The following GPC5 variants were observed in gnomAD, a reference collection of about 807,000 sequenced individuals.
The protein encoded by GPC5 is glypican-5.
A neutral mutation model predicts 53.9 loss-of-function variants in GPC5; 47 were observed. That is an observed-to-expected ratio of 0.87 (90% CI 0.69 to 1.11). GPC5 has a LOEUF of 1.11. GPC5 is among the 50% of genes most tolerant of loss of function. GPC5 has a pLI of 0.00. For missense variants in GPC5, 748 were observed against 713.1 expected (o/e 1.05, Z -0.56); for synonymous variants, 286 against 263.3 (o/e 1.09, Z -0.84).
intron 2 of GPC5, among the ~76,000 whole-genome samples, chr13:91,684,875 T>C (rs537802776): frequency 2.0e-5 from 3 of 152,338 alleles, no homozygotes; most frequent in African/African-American, 7.2e-5. Flanking sequence ...GACCTTTCTC[T>C]ATTCTCACTC....
intron 7 of GPC5, among the ~76,000 whole-genome samples, chr13:92,278,664 AC>A (rs2042892627): frequency 6.6e-6 from 1 of 151,940 alleles, no homozygotes; most frequent in Non-Finnish European, 1.5e-5. Context: ...ATACTTTTAG[AC>A]CTTCATTTAG....
chr13:92,834,740 A>G (rs145729645), intron 7 of GPC5, among the ~76,000 whole-genome samples: 1 of 152,274 alleles, frequency 6.6e-6, no homozygotes, highest in East Asian at 1.9e-4. Flanking sequence ...GAAAATGTAT[A>G]AAGAGATAAT....
chr13:92,169,683 T>C (rs2042055732), intron 7 of GPC5, among the ~76,000 whole-genome samples: 1 of 152,172 alleles, frequency 6.6e-6, no homozygotes. Context: ...CCAGTGTCTA[T>C]GGGTATTTTT....
At chr13:92,742,758 A>G (rs550160167) in intron 7 of GPC5, among the ~76,000 whole-genome samples, 16 of 152,220 alleles carry the variant, frequency 1.1e-4, no homozygotes, top group East Asian at 7.8e-4. Flanking sequence ...TAATTTTTGT[A>G]TAAGGTGTAA....
At chr13:91,527,795 A>G (rs988268415) in intron 2 of GPC5, among the ~76,000 whole-genome samples, 1 of 152,216 alleles carries the variant, frequency 6.6e-6, no homozygotes, top group African/African-American at 2.4e-5. Context: ...TATCTTCTGC[A>G]CACCCACTGG....
At chr13:92,184,095 G>C (rs2042166184) in intron 7 of GPC5, among the ~76,000 whole-genome samples, 1 of 151,678 alleles carries the variant, frequency 6.6e-6, no homozygotes, top group East Asian at 1.9e-4. Context: ...TTTATGTGCT[G>C]TCTTTTGCTT....
chr13:92,274,631 C>G (rs4332633), intron 7 of GPC5, among the ~76,000 whole-genome samples: 13,009 of 152,134 alleles, frequency 0.086, 617 homozygotes, highest in Middle Eastern at 0.12. Context: ...GTGTCAGTAA[C>G]AGCTGGGATT....
At chr13:92,427,033 T>C (rs1180403201) in intron 7 of GPC5, among the ~76,000 whole-genome samples, 1 of 152,022 alleles carries the variant, frequency 6.6e-6, no homozygotes, top group Non-Finnish European at 1.5e-5. Context: ...CTGCCTATTT[T>C]AGTTAAGAAC....
At chr13:91,823,341 G>A (rs1427629197) in intron 5 of GPC5, among the ~76,000 whole-genome samples, 1 of 152,016 alleles carries the variant, frequency 6.6e-6, no homozygotes, top group Non-Finnish European at 1.5e-5. Context: ...GTCTGTGCCT[G>A]AATACAAAAA....
chr13:92,099,134 CAACT>C (rs2041445070), intron 6 of GPC5, among the ~76,000 whole-genome samples: 1 of 152,030 alleles, frequency 6.6e-6, no homozygotes, highest in Non-Finnish European at 1.5e-5. Flanking sequence ...CCCTCCACAC[CAACT>C]ATCACATTTT....
chr13:92,791,729 T>C (rs559026977), intron 7 of GPC5, among the ~76,000 whole-genome samples: 60 of 152,264 alleles, frequency 3.9e-4, no homozygotes, highest in African/African-American at 1.2e-3. Context: ...TTTTCTTATT[T>C]TGTAACAGCT....
chr13:92,661,490 A>T (rs1173460784), intron 7 of GPC5, among the ~76,000 whole-genome samples: 1 of 152,194 alleles, frequency 6.6e-6, no homozygotes, highest in Non-Finnish European at 1.5e-5. Context: ...ATGTTGGCTT[A>T]TATATTTTAT....
At chr13:91,913,453 T>C (rs1198783271) in intron 6 of GPC5, among the ~76,000 whole-genome samples, 2 of 151,512 alleles carry the variant, frequency 1.3e-5, no homozygotes, top group Non-Finnish European at 2.9e-5. Context: ...AGAGAGGTCA[T>C]AGCATACACA....
At chr13:91,792,780 G>A (rs561766544) in intron 5 of GPC5, among the ~76,000 whole-genome samples, 3 of 152,162 alleles carry the variant, frequency 2.0e-5, no homozygotes, top group Non-Finnish European at 2.9e-5. Flanking sequence ...TGAATTCTTC[G>A]ATCAAAAGCA....
chr13:92,839,349 TAGG>T (rs1213466760), intron 7 of GPC5, among the ~76,000 whole-genome samples: 3 of 152,226 alleles, frequency 2.0e-5, no homozygotes, highest in Non-Finnish European at 4.4e-5. Context: ...GTTTGTTACA[TAGG>T]TAAACTTGTG....
intron 7 of GPC5, among the ~76,000 whole-genome samples, chr13:92,382,128 A>G (rs1292199822): frequency 2.0e-5 from 3 of 151,652 alleles, no homozygotes; most frequent in Admixed American, 6.6e-5. Context: ...GAAAAACCAA[A>G]CATCATATGT....
chr13:91,943,148 A>G (rs1421936997), intron 6 of GPC5, among the ~76,000 whole-genome samples: 1 of 152,170 alleles, frequency 6.6e-6, no homozygotes, highest in Non-Finnish European at 1.5e-5. Flanking sequence ...ATGAAAATCA[A>G]CTTATGCATA....
intron 7 of GPC5, among the ~76,000 whole-genome samples, chr13:92,755,914 G>A (rs1229476880): frequency 4.0e-5 from 6 of 149,030 alleles, no homozygotes; most frequent in Non-Finnish European, 7.5e-5. Context: ...AGGAGGAACT[G>A]GTACCATTCC....
chr13:91,611,911 A>G (rs902261238), intron 2 of GPC5, among the ~76,000 whole-genome samples: 1 of 152,120 alleles, frequency 6.6e-6, no homozygotes, highest in African/African-American at 2.4e-5. Context: ...TTACCTGCCT[A>G]GACTTCCTTG....
Sources: gnomAD v4.1 joint callset for allele counts (sites outside exome capture counted in the v4.1 genomes callset) on GRCh38, gnomAD v4.1.1 for gene constraint, MANE v1.5 for transcripts, NCBI Gene and HGNC (gene_info 2026-07-23, HGNC 2026-07-21) for gene names.